L3MBTL4: variants seen among roughly 807,000 people sequenced by gnomAD.
L3MBTL4 encodes lethal(3)malignant brain tumor-like protein 4.
In L3MBTL4, 70 loss-of-function variants were observed where a neutral mutation model predicts 84.5. That is an observed-to-expected ratio of 0.83 (90% CI 0.68 to 1.01). The LOEUF is 1.01. Among genes scored for constraint, L3MBTL4 ranks in the 50% least tolerant of loss-of-function variants. The pLI is 0.00. For missense variants in L3MBTL4, 715 were observed against 754.8 expected (o/e 0.95, Z 0.62); for synonymous variants, 274 against 259.8 (o/e 1.05, Z -0.52).
At chr18:6,302,350 A>C (rs2050379557) in intron 3 of L3MBTL4, among the ~76,000 whole-genome samples, 1 of 152,204 alleles carries the variant, frequency 6.6e-6, no homozygotes, top group African/African-American at 2.4e-5. Context: ...ATCTGGGTCT[A>C]CTACAGTTTG....
At chr18:5,991,727 A>G (rs968638307) in intron 16 of L3MBTL4, among the ~76,000 whole-genome samples, 3 of 152,140 alleles carry the variant, frequency 2.0e-5, no homozygotes, top group Admixed American at 1.3e-4. Flanking sequence ...GTTAATATAT[A>G]AAGTTTAGCC....
intron 1 of L3MBTL4, among the ~76,000 whole-genome samples, chr18:6,403,001 AC>A (rs897257175): frequency 3.9e-4 from 59 of 152,204 alleles, no homozygotes; most frequent in African/African-American, 1.3e-3. Flanking sequence ...GAAGTAGGTT[AC>A]CCCCAGGGGG....
intron 3 of L3MBTL4, among the ~76,000 whole-genome samples, chr18:6,303,815 C>G (rs1175811035): frequency 6.6e-6 from 1 of 152,044 alleles, no homozygotes; most frequent in Non-Finnish European, 1.5e-5. Context: ...GAGTTCGAGA[C>G]CAGCCTGGCC....
At chr18:5,959,139 T>C (rs2144634813) in intron 18 of L3MBTL4, among the ~76,000 whole-genome samples, 1 of 152,292 alleles carries the variant, frequency 6.6e-6, no homozygotes, top group East Asian at 1.9e-4. Flanking sequence ...TCATGCATGC[T>C]CTGAACCTGA....
chr18:6,296,046 A>T (rs2050096594), intron 4 of L3MBTL4, among the ~76,000 whole-genome samples: 1 of 152,214 alleles, frequency 6.6e-6, no homozygotes, highest in African/African-American at 2.4e-5. Flanking sequence ...GTGGGAATGA[A>T]CAGGTCCCTC....
intron 16 of L3MBTL4, among the ~76,000 whole-genome samples, chr18:6,022,218 C>T (rs1432087051): frequency 6.6e-6 from 1 of 152,168 alleles, no homozygotes; most frequent in Non-Finnish European, 1.5e-5. Context: ...TATTACAAGG[C>T]CATGTGTAAC....
intron 1 of L3MBTL4, among the ~76,000 whole-genome samples, chr18:6,322,410 G>A (rs2051455303): frequency 6.8e-6 from 1 of 146,824 alleles, no homozygotes; most frequent in Admixed American, 7.0e-5. Flanking sequence ...GGAAAGGAAA[G>A]GAAGAGAGAA....
At chr18:6,260,227 C>T (rs769760363) in intron 5 of L3MBTL4, 20 of 152,096 alleles carry the variant, frequency 1.3e-4, no homozygotes, top group African/African-American at 4.8e-4. Context: ...TAATACGATG[C>T]TTTGTTATTT....
intron 10 of L3MBTL4, among the ~76,000 whole-genome samples, chr18:6,226,559 A>G (rs1302990859): frequency 6.6e-6 from 1 of 152,198 alleles, no homozygotes; most frequent in African/African-American, 2.4e-5. Context: ...TATAAGAAAA[A>G]TAGTCATCTA....
chr18:6,231,209 A>G (rs780455194), intron 10 of L3MBTL4, among the ~76,000 whole-genome samples: 27 of 152,116 alleles, frequency 1.8e-4, no homozygotes, highest in Non-Finnish European at 2.8e-4. Context: ...TTATACTTGT[A>G]GGTTTTACTT....
intron 16 of L3MBTL4, among the ~76,000 whole-genome samples, chr18:6,018,825 G>T (rs543919715): frequency 6.6e-6 from 1 of 152,218 alleles, no homozygotes; most frequent in Non-Finnish European, 1.5e-5. Flanking sequence ...ATTAGCACAG[G>T]AAGAGACAGC....
intron 15 of L3MBTL4, among the ~76,000 whole-genome samples, chr18:6,090,207 T>C (rs2058394921): frequency 6.6e-6 from 1 of 152,164 alleles, no homozygotes; most frequent in Non-Finnish European, 1.5e-5. Context: ...TATGACTCTT[T>C]ACAGTTAATA....
chr18:6,023,773 A>G (rs1275841146), intron 16 of L3MBTL4, among the ~76,000 whole-genome samples: 1 of 152,152 alleles, frequency 6.6e-6, no homozygotes, highest in Non-Finnish European at 1.5e-5. Flanking sequence ...CCACGCGGGG[A>G]AGAGTACAAT....
At chr18:6,223,361 A>C (rs1384989575) in intron 10 of L3MBTL4, among the ~76,000 whole-genome samples, 1 of 152,216 alleles carries the variant, frequency 6.6e-6, no homozygotes, top group Non-Finnish European at 1.5e-5. Flanking sequence ...ATGCTGAGTT[A>C]ATTTTGATAT....
At chr18:6,343,011 T>C (rs2143549647) in intron 1 of L3MBTL4, among the ~76,000 whole-genome samples, 1 of 152,262 alleles carries the variant, frequency 6.6e-6, no homozygotes, top group South Asian at 2.1e-4. Context: ...TACATATTGA[T>C]AAAGGGGTCC....
intron 10 of L3MBTL4, among the ~76,000 whole-genome samples, chr18:6,230,078 T>C (rs1673702080): frequency 6.6e-6 from 1 of 152,178 alleles, no homozygotes; most frequent in Admixed American, 6.6e-5. Flanking sequence ...GTTGACTTTT[T>C]TTAAACTTTT....
chr18:6,344,469 C>A (rs2052772095), intron 1 of L3MBTL4, among the ~76,000 whole-genome samples: 1 of 152,152 alleles, frequency 6.6e-6, no homozygotes. Context: ...TTAAGAAGAA[C>A]TAACACCAAT....
At chr18:6,098,793 A>G (rs1203762934) in intron 14 of L3MBTL4, among the ~76,000 whole-genome samples, 1 of 152,160 alleles carries the variant, frequency 6.6e-6, no homozygotes, top group African/African-American at 2.4e-5. Context: ...AGAGGCAGAT[A>G]AGACAAGACT....
intron 14 of L3MBTL4, among the ~76,000 whole-genome samples, chr18:6,132,506 C>T (rs2059905332): frequency 6.6e-6 from 1 of 152,220 alleles, no homozygotes; most frequent in Non-Finnish European, 1.5e-5. Context: ...GATCGCTTCT[C>T]AGGCCTGCTG....
Sources: gnomAD v4.1 joint callset for allele counts (sites outside exome capture counted in the v4.1 genomes callset) on GRCh38, gnomAD v4.1.1 for gene constraint, MANE v1.5 for transcripts, NCBI Gene and HGNC (gene_info 2026-07-23, HGNC 2026-07-21) for gene names.